Variants in TOX observed in about 807,000 individuals in gnomAD.
TOX encodes the protein thymocyte selection associated high mobility group box.
A neutral mutation model predicts 53.7 loss-of-function variants in TOX; 11 were observed. The ratio of observed to expected loss-of-function variants is 0.20; its 90% CI spans 0.13 to 0.34. The LOEUF is 0.34. Ranked by LOEUF, TOX falls within the 10% of genes least tolerant of loss-of-function variation. The probability of loss-of-function intolerance (pLI) is 1.00; values close to 1 mark genes in which losing one functional copy is unlikely to be tolerated. For synonymous variants in TOX, 225 were observed against 245.3 expected, an observed-to-expected ratio of 0.92 and a Z score of 0.77; for missense variants, 570 against 664.6, an observed-to-expected ratio of 0.86 and a Z score of 1.56.
chr8:58,985,473 A>T (rs1040474387), intron 1 of TOX, among the ~76,000 whole-genome samples: 2 of 152,210 alleles, frequency 1.3e-5, no homozygotes, highest in African/African-American at 4.8e-5. Context: ...GACAGAAAGT[A>T]GAATGGCAGT....
chr8:58,914,143 T>C (rs1166524458), intron 3 of TOX, among the ~76,000 whole-genome samples: 2 of 152,216 alleles, frequency 1.3e-5, no homozygotes, highest in African/African-American at 4.8e-5. Context: ...GCCTCCTTTA[T>C]CCAGAAGCAG....
At chr8:58,838,697 G>GTTT (rs1810590539) in intron 4 of TOX, among the ~76,000 whole-genome samples, 2 of 76,680 alleles carry the variant, frequency 2.6e-5, no homozygotes, top group African/African-American at 1.6e-4. Flanking sequence ...AGTTATCCTT[G>GTTT]TCTTTTTTTT....
intron 5 of TOX, among the ~76,000 whole-genome samples, chr8:58,833,487 G>A (rs1369485367): frequency 1.3e-5 from 2 of 152,098 alleles, no homozygotes; most frequent in Non-Finnish European, 2.9e-5. Context: ...AAATAATGGA[G>A]GTAAACAGGA....
intron 5 of TOX, among the ~76,000 whole-genome samples, chr8:58,837,172 G>T (rs1359744572): frequency 2.6e-5 from 4 of 152,172 alleles, no homozygotes; most frequent in African/African-American, 9.7e-5. Flanking sequence ...AATGAGGAAA[G>T]ATTGGTGTCT....
At position 58,815,431 on chromosome 8, in the gene TOX, C is replaced by T. The variant is rs141236740; in HGVS notation, c.1299G>A (p.Met433Ile). Residue 433 changes from methionine (M) to isoleucine (I), a missense_variant, in exon 7 of 9, where the codon ATG (methionine) becomes ATA (isoleucine). Physicochemically the swap from Met to Ile is conservative, Grantham distance 10. This residue lies in a region of TOX where 239 missense variants were observed against 250.7 expected (regional missense o/e 0.95). Coordinates refer to ENST00000361421, the MANE Select transcript of TOX (RefSeq NM_014729.3). ...ISPPLHQHLN[M>I]QQHQPLTMQQ... is the part of the protein sequence containing the mutation. ...GCATGGTGAGCGGCTGGTGCTGCTG[C>T]ATGTTGAGATGCTGGTGAAGAGGCG... The T allele has an allele frequency of 1.8e-4, 298 of 1,613,990 alleles. 2 individuals are homozygous for T. In the African/African-American group the frequency reaches 3.4e-3, roughly 18 times the overall value.
chr8:59,030,185 T>C (rs1358865691), intron 1 of TOX, among the ~76,000 whole-genome samples: 1 of 152,188 alleles, frequency 6.6e-6, no homozygotes, highest in Non-Finnish European at 1.5e-5. Context: ...CTCTAAACTG[T>C]CTATTGTAGA....
chr8:59,094,679 GAC>G (rs1804684012), intron 1 of TOX, among the ~76,000 whole-genome samples: 1 of 152,098 alleles, frequency 6.6e-6, no homozygotes, highest in African/African-American at 2.4e-5. Flanking sequence ...ATTGTCCTGA[GAC>G]ACAGTGCAGA....
chr8:59,086,478 C>G (rs1159206332), intron 1 of TOX, among the ~76,000 whole-genome samples: 1 of 152,132 alleles, frequency 6.6e-6, no homozygotes, highest in African/African-American at 2.4e-5. Flanking sequence ...AGACTCCCAT[C>G]ATCAGTATAT....
At chr8:58,840,531 A>G (rs183898082) in intron 4 of TOX, among the ~76,000 whole-genome samples, 1 of 152,156 alleles carries the variant, frequency 6.6e-6, no homozygotes, top group East Asian at 1.9e-4. Flanking sequence ...AGCTTTTAAT[A>G]CCCTGATGTC....
At chr8:59,054,654 C>T (rs1009498085) in intron 1 of TOX, among the ~76,000 whole-genome samples, 1 of 151,946 alleles carries the variant, frequency 6.6e-6, no homozygotes, top group Non-Finnish European at 1.5e-5. Flanking sequence ...CGACTCGTTA[C>T]AACTTTGAAA....
chr8:58,853,404 C>G (rs1448360950), intron 3 of TOX, among the ~76,000 whole-genome samples: 3 of 152,140 alleles, frequency 2.0e-5, no homozygotes, highest in African/African-American at 4.8e-5. Flanking sequence ...TGCAAAGGCT[C>G]TTGGTGACAC....
intron 1 of TOX, among the ~76,000 whole-genome samples, chr8:59,032,462 G>A (rs1814376318): frequency 6.6e-6 from 1 of 152,072 alleles, no homozygotes; most frequent in Non-Finnish European, 1.5e-5. Context: ...CTCCTTCTTT[G>A]CAGTCTTCAG....
intron 3 of TOX, among the ~76,000 whole-genome samples, chr8:58,924,552 G>T (rs1218511705): frequency 6.6e-6 from 1 of 152,202 alleles, no homozygotes; most frequent in African/African-American, 2.4e-5. Flanking sequence ...CTTAGACCAA[G>T]AGCCCTTCAG....
intron 1 of TOX, among the ~76,000 whole-genome samples, chr8:58,981,978 A>G (rs889434230): frequency 1.3e-5 from 2 of 152,186 alleles, no homozygotes; most frequent in African/African-American, 4.8e-5. Flanking sequence ...AACAAAATGA[A>G]ACCCAAACAA....
At chr8:58,821,279 T>G (rs1192344423) in intron 6 of TOX, among the ~76,000 whole-genome samples, 1 of 152,144 alleles carries the variant, frequency 6.6e-6, no homozygotes, top group East Asian at 1.9e-4. Context: ...AAATTTTCAA[T>G]GATATGCAAA....
intron 3 of TOX, among the ~76,000 whole-genome samples, chr8:58,892,483 G>T (rs2129172016): frequency 6.6e-6 from 1 of 152,206 alleles, no homozygotes; most frequent in Middle Eastern, 3.4e-3. Flanking sequence ...AATCCATTTG[G>T]ATTATAGTTG....
intron 1 of TOX, among the ~76,000 whole-genome samples, chr8:59,110,731 G>GC (rs771913895): frequency 1.3e-5 from 2 of 151,648 alleles, no homozygotes; most frequent in Non-Finnish European, 2.9e-5. Context: ...GGAAAAAGAG[G>GC]CCCCCCGGGG....
intron 1 of TOX, among the ~76,000 whole-genome samples, chr8:59,111,813 A>G (rs2129424991): frequency 6.6e-6 from 1 of 152,302 alleles, no homozygotes; most frequent in African/African-American, 2.4e-5. Flanking sequence ...GCCTCCTTTA[A>G]TTAGGAGTCC....
At chr8:58,913,176 T>C (rs1245723312) in intron 3 of TOX, among the ~76,000 whole-genome samples, 1 of 152,168 alleles carries the variant, frequency 6.6e-6, no homozygotes, top group East Asian at 1.9e-4. Context: ...AGTTGAAATA[T>C]TTGGTGGCTC....
Sources: allele counts gnomAD v4.1 joint callset (sites outside exome capture counted in the v4.1 genomes callset), GRCh38; gene constraint gnomAD v4.1.1; regional missense constraint gnomAD v4.1.1; transcripts MANE v1.5; gene names NCBI Gene and HGNC (gene_info 2026-07-23, HGNC 2026-07-21).